Variants in CCDC60 observed in about 807,000 individuals in gnomAD.
CCDC60 encodes the protein coiled-coil domain containing 60.
In CCDC60, 54 loss-of-function variants were observed where a neutral mutation model predicts 63.5. The ratio of observed to expected loss-of-function variants is 0.85; its 90% CI spans 0.68 to 1.07. The LOEUF (loss-of-function observed/expected upper bound fraction) is 1.07. Among genes scored for constraint, CCDC60 ranks in the 50% least tolerant of loss-of-function variants. The pLI, the probability that CCDC60 is intolerant of heterozygous loss-of-function variation, is 0.00. For synonymous variants in CCDC60, 206 were observed against 238.8 expected (o/e 0.86, Z 1.27); for missense variants, 651 against 684.3 (o/e 0.95, Z 0.54).
At chr12:119,517,477 A>G (rs1952385838) in intron 8 of CCDC60, among the ~76,000 whole-genome samples, 1 of 152,202 alleles carries the variant, frequency 6.6e-6, no homozygotes, top group African/African-American at 2.4e-5. Context: ...AGAACAAATA[A>G]TAATGGCATT....
At chr12:119,372,703 T>C (rs1459039285) in intron 1 of CCDC60, among the ~76,000 whole-genome samples, 1 of 152,000 alleles carries the variant, frequency 6.6e-6, no homozygotes, top group African/African-American at 2.4e-5. Flanking sequence ...AGGCATGACA[T>C]AGATTTCACA....
intron 2 of CCDC60, among the ~76,000 whole-genome samples, chr12:119,468,287 G>A (rs892067787): frequency 1.3e-5 from 2 of 151,864 alleles, no homozygotes; most frequent in Non-Finnish European, 2.9e-5. Flanking sequence ...GCAAGACGCT[G>A]TCTTAAAAAA....
intron 7 of CCDC60, among the ~76,000 whole-genome samples, chr12:119,507,608 A>T (rs1334013307): frequency 0.16 from 4,312 of 27,246 alleles, 608 homozygotes; most frequent in East Asian, 0.4. Context: ...ATATATATAT[A>T]TATATATTTT....
intron 4 of CCDC60, among the ~76,000 whole-genome samples, chr12:119,486,974 G>A (rs1399535810): frequency 1.3e-5 from 2 of 152,128 alleles, no homozygotes; most frequent in Non-Finnish European, 2.9e-5. Flanking sequence ...GGAGGCATCT[G>A]GCCCATTAGT....
At chr12:119,354,806 C>G (rs1005138311) in intron 1 of CCDC60, among the ~76,000 whole-genome samples, 1 of 152,308 alleles carries the variant, frequency 6.6e-6, no homozygotes, top group African/African-American at 2.4e-5. Flanking sequence ...TCTTTATGTT[C>G]TAGTAGCAGT....
At chr12:119,478,525 A>G (rs1317517520) in intron 3 of CCDC60, among the ~76,000 whole-genome samples, 1 of 151,872 alleles carries the variant, frequency 6.6e-6, no homozygotes, top group African/African-American at 2.4e-5. Flanking sequence ...CCCTAGTATA[A>G]TATACTAGTA....
rs546028065 is a variant in CCDC60 at position 119,540,912 on chromosome 12, T to C, written c.*197T>C. ...ATGGCCCCGGTGGCCCTCCCCTCAATTCCACACCCCAGACCCAACCTACCA... is the reference window on the plus strand; with the variant it reads ...ATGGCCCCGGTGGCCCTCCCCTCAACTCCACACCCCAGACCCAACCTACCA... On this transcript the variant is annotated 3_prime_UTR_variant, in exon 14 of 14. Coordinates refer to ENST00000327554, the MANE Select transcript of CCDC60 (RefSeq NM_178499.5). 6 of 545,444 alleles carry C rather than the reference T, an allele frequency of 1.1e-5. No individual in the cohort carries two copies. Among genetic ancestry groups the C allele is most frequent in the South Asian group, 9.2e-5 (4 of 43,414 alleles). The allele number at this position is 545,444 out of a possible 1,614,324, so 33.8% of individuals were successfully genotyped here.
At position 119,456,033 on chromosome 12, in the gene CCDC60, AAGAAAG is replaced by A. The variant is rs1449827856; in HGVS notation, c.171-15959_171-15954del. On this transcript the variant is annotated intron_variant, in intron 2 of 13. Coordinates refer to ENST00000327554, the MANE Select transcript of CCDC60 (RefSeq NM_178499.5). The surrounding 1 kb of genome is among the most constrained non-coding windows in gnomAD (Gnocchi z 4.6). ...AAAGAAAGAAAGAAAGAAAGAAAGA[AAGAAAG>A]AAAGAAAGAAAGAAAGAAAGAAAGC... Among the ~76,000 whole-genome samples, 1 of 142,822 alleles carries A rather than the reference AAGAAAG, an allele frequency of 7.0e-6. No homozygotes were observed. Among genetic ancestry groups the A allele is most frequent in the Non-Finnish European group, 1.5e-5 (1 of 65,612 alleles). 93.7% of individuals were successfully genotyped at this position (142,822 alleles called of 152,430 possible). A position where few individuals can be genotyped will look rare whatever the true frequency, so the allele number is the denominator to read the frequency against.
intron 1 of CCDC60, among the ~76,000 whole-genome samples, chr12:119,345,835 T>C (rs1274099362): frequency 6.6e-6 from 1 of 151,998 alleles, no homozygotes; most frequent in Non-Finnish European, 1.5e-5. Flanking sequence ...GTTTGTTTGT[T>C]TTGAGACAGT....
At chr12:119,433,865 G>A (rs569824790) in intron 2 of CCDC60, among the ~76,000 whole-genome samples, 3 of 152,272 alleles carry the variant, frequency 2.0e-5, no homozygotes, top group Admixed American at 6.5e-5. Context: ...GATGTTCAGT[G>A]GCACTAAGCA....
chr12:119,474,001 G>A (rs1226995407), intron 3 of CCDC60, among the ~76,000 whole-genome samples: 1 of 152,160 alleles, frequency 6.6e-6, no homozygotes, highest in Non-Finnish European at 1.5e-5. Context: ...GGGATTGCTG[G>A]ATCAAATGGT....
At chr12:119,359,359 G>A (rs1487805451) in intron 1 of CCDC60, among the ~76,000 whole-genome samples, 2 of 152,110 alleles carry the variant, frequency 1.3e-5, no homozygotes, top group Non-Finnish European at 2.9e-5. Flanking sequence ...GTGAAAATCT[G>A]TACATTCTTG....
chr12:119,382,090 A>G (rs1401377231), intron 1 of CCDC60, among the ~76,000 whole-genome samples: 1 of 152,222 alleles, frequency 6.6e-6, no homozygotes, highest in Non-Finnish European at 1.5e-5. Flanking sequence ...GACCCCATCC[A>G]GGCAAATGCA....
intron 6 of CCDC60, among the ~76,000 whole-genome samples, chr12:119,500,475 C>T (rs1222742909): frequency 6.6e-6 from 1 of 151,990 alleles, no homozygotes; most frequent in African/African-American, 2.4e-5. Flanking sequence ...TCTTCTAAAT[C>T]AATAACAGTC....
intron 1 of CCDC60, among the ~76,000 whole-genome samples, chr12:119,344,678 T>G (rs1217782960): frequency 1.3e-5 from 2 of 152,210 alleles, no homozygotes; most frequent in Non-Finnish European, 2.9e-5. Flanking sequence ...ACGAATATCT[T>G]TAATGAAGTT....
At chr12:119,354,967 ACCAG>A (rs1955701458) in intron 1 of CCDC60, among the ~76,000 whole-genome samples, 1 of 152,174 alleles carries the variant, frequency 6.6e-6, no homozygotes, top group Non-Finnish European at 1.5e-5. Flanking sequence ...AGGGCATCTA[ACCAG>A]CTTCCTATCC....
chr12:119,445,799 G>C (rs1177370988), intron 2 of CCDC60, among the ~76,000 whole-genome samples: 2 of 152,214 alleles, frequency 1.3e-5, no homozygotes, highest in Non-Finnish European at 2.9e-5. Flanking sequence ...ACCTGGATGA[G>C]ATTTGGGACT....
chr12:119,520,208 G>A lies in CCDC60; in HGVS notation c.1040+16G>A. 6 of 1,611,902 alleles carry A rather than the reference G, an allele frequency of 3.7e-6. No individual in the cohort carries two copies. The highest frequency in any genetic ancestry group is 5.1e-6 in the Non-Finnish European group (6 of 1,178,586). On this transcript the variant is annotated intron_variant, in intron 9 of 13. Transcript: ENST00000327554. ...TCAAATCAAGGTAGGAAAGCCTGGA[G>A]CCTGCAGCAGGTGCCTCCGAAGGCA...
chr12:119,350,129 C>T (rs1955640174), intron 1 of CCDC60, among the ~76,000 whole-genome samples: 1 of 151,950 alleles, frequency 6.6e-6, no homozygotes, highest in Non-Finnish European at 1.5e-5. Context: ...GGGGTGTGCC[C>T]CTATCTTGAA....
Sources: allele counts gnomAD v4.1 joint callset (sites outside exome capture counted in the v4.1 genomes callset), GRCh38; gene constraint gnomAD v4.1.1; non-coding constraint Gnocchi (gnomAD v3.1); transcripts MANE v1.5; gene names NCBI Gene and HGNC (gene_info 2026-07-23, HGNC 2026-07-21).